The following SBK1 variants were observed in gnomAD, a reference collection of about 807,000 sequenced individuals.
SBK1 encodes SH3 domain binding kinase 1.
A neutral mutation model predicts 24.4 loss-of-function variants in SBK1; 11 were observed. The ratio of observed to expected loss-of-function variants is 0.45; its 90% CI spans 0.28 to 0.75. SBK1 has a LOEUF of 0.75. Among genes scored for constraint, SBK1 ranks in the 30% least tolerant of loss-of-function variants. SBK1 has a pLI of 0.12. For synonymous variants in SBK1, 308 were observed against 284.4 expected (o/e 1.08, Z -0.83); for missense variants, 467 against 620.5 (o/e 0.75, Z 2.63).
intron 1 of SBK1, among the ~76,000 whole-genome samples, chr16:28,267,097 C>T (rs939299471): frequency 1.3e-5 from 2 of 151,876 alleles, no homozygotes; most frequent in Non-Finnish European, 2.9e-5. Context: ...AGTAGAGACA[C>T]CGTTTCACCA....
In SBK1 at chr16:28,317,266, C is replaced by T. The variant is rs2044803982; in HGVS notation, c.-7-119C>T. The T allele has an allele frequency of 1.4e-6, 1 of 719,676 alleles. No homozygotes were observed. The allele number at this position is 719,676 out of a possible 1,614,324, so 44.6% of individuals were successfully genotyped here. A position where few individuals can be genotyped will look rare whatever the true frequency, so the allele number is the denominator to read the frequency against. ...ATGCTTGTCGCCCCCTTGTGGTTAT[C>T]TTGGGCCTGGCATCCGGGCCCATCC... On this transcript the variant is annotated intron_variant, in intron 1 of 3. Transcript: ENST00000341901. This position sits in a 1 kb window ranked among gnomAD's most constrained non-coding sequence, Gnocchi z 4.2.
intron 1 of SBK1, among the ~76,000 whole-genome samples, chr16:28,260,661 T>C (rs1361723535): frequency 6.6e-6 from 1 of 152,182 alleles, no homozygotes; most frequent in Admixed American, 6.5e-5. Flanking sequence ...GGATGTTCCC[T>C]GCTATGGTTG....
chr16:28,285,095 T>C (rs2044557069), intron 1 of SBK1: 1 of 152,244 alleles, frequency 6.6e-6, no homozygotes, highest in East Asian at 1.9e-4. Context: ...TACAGGTGTG[T>C]GCCACCACAT....
chr16:28,284,378 T>C (rs933850880), intron 1 of SBK1, among the ~76,000 whole-genome samples: 1 of 152,342 alleles, frequency 6.6e-6, no homozygotes, highest in African/African-American at 2.4e-5. Flanking sequence ...CCTGCCTCCT[T>C]CTGGGAAGTC....
intron 1 of SBK1, among the ~76,000 whole-genome samples, chr16:28,275,102 G>T (rs191048541): frequency 3.0e-4 from 45 of 152,322 alleles, no homozygotes; most frequent in African/African-American, 1.1e-3. Flanking sequence ...GAGGCAGGAG[G>T]ATCTCTAGAG....
chr16:28,280,145 A>G (rs1355517073), intron 1 of SBK1, among the ~76,000 whole-genome samples: 1,676 of 55,166 alleles, frequency 0.03, 60 homozygotes, highest in African/African-American at 0.072. Flanking sequence ...ATATATATAT[A>G]TATATGTGTG....
chr16:28,267,076 T>A (rs905731652), intron 1 of SBK1, among the ~76,000 whole-genome samples: 3 of 152,224 alleles, frequency 2.0e-5, no homozygotes, highest in Non-Finnish European at 4.4e-5. Flanking sequence ...CTGGCTATTT[T>A]TTTTATTTTT....
chr16:28,309,830 C>T (rs2044742074), intron 1 of SBK1, among the ~76,000 whole-genome samples: 2 of 152,198 alleles, frequency 1.3e-5, no homozygotes, highest in Admixed American at 6.5e-5. Context: ...CCATGTAGGT[C>T]TGTGTATACA....
Position 28,268,423 on chromosome 16 carries a change from G to GTT in SBK1, c.257+8934_257+8935dup, listed in dbSNP as rs561869982. On this transcript the variant is annotated intron_variant, in intron 1 of 3. Coordinates refer to the SBK1 transcript ENST00000671413. ...ACACCTGGCTAATTTTTAAAAATGG[G>GTT]TTTTTTTTTTTTTTGTAAAGATGGG... 8.8e-3 allele frequency among the ~76,000 whole-genome samples: 1,231 copies of GTT among 139,912 alleles called. 16 individuals carry two copies. Among genetic ancestry groups the GTT allele is most frequent in the African/African-American group, 0.03 (1,156 of 37,990 alleles). The allele number at this position is 139,912 out of a possible 152,430, so 91.8% of individuals were successfully genotyped here.
At chr16:28,301,793 C>T (rs2044681645) in intron 1 of SBK1, among the ~76,000 whole-genome samples, 1 of 152,222 alleles carries the variant, frequency 6.6e-6, no homozygotes, top group Admixed American at 6.5e-5. Flanking sequence ...ACTTTGTGCC[C>T]CATCCTGTTA....
intron 1 of SBK1, among the ~76,000 whole-genome samples, chr16:28,296,077 C>T (rs1006667861): frequency 6.0e-5 from 9 of 150,896 alleles, no homozygotes; most frequent in Non-Finnish European, 1.2e-4. Flanking sequence ...AGATGCCCAC[C>T]ACCACATCCA....
At chr16:28,306,242 A>G (rs994020661) in intron 1 of SBK1, among the ~76,000 whole-genome samples, 1 of 152,156 alleles carries the variant, frequency 6.6e-6, no homozygotes, top group African/African-American at 2.4e-5. Flanking sequence ...CGGCTTTTCC[A>G]TCATGGGGGA....
At chr16:28,262,861 G>T (rs1216062192) in intron 1 of SBK1, among the ~76,000 whole-genome samples, 1 of 152,064 alleles carries the variant, frequency 6.6e-6, no homozygotes, top group Non-Finnish European at 1.5e-5. Flanking sequence ...TTATATTCTG[G>T]GTGTGTGTGT....
intron 1 of SBK1, among the ~76,000 whole-genome samples, chr16:28,271,450 G>A (rs551388832): frequency 6.6e-6 from 1 of 152,188 alleles, no homozygotes; most frequent in African/African-American, 2.4e-5. Flanking sequence ...TCAGCTACTT[G>A]GGAGGCTGAG....
Position 28,320,509 on chromosome 16 carries a change from C to T in SBK1, c.863C>T (p.Ala288Val). The T allele has an allele frequency of 6.4e-7, 1 of 1,571,478 alleles. No homozygotes were observed. The highest frequency in any genetic ancestry group is 8.6e-7 in the Non-Finnish European group (1 of 1,164,900). ...PSQWRRFTEP[A>V]LRMFQRLLAL... ...CAGTGGCGCCGCTTCACCGAGCCCG[C>T]GCTGCGCATGTTCCAGCGCTTACTG... is the stretch of plus-strand genomic sequence containing the variant. Residue 288 changes from alanine to valine, a missense_variant, in exon 4 of 4, where the codon GCG becomes GTG. This residue lies in a region of SBK1 where 86 missense variants were observed against 121.7 expected (regional missense o/e 0.71). Transcript: ENST00000341901. This position sits in a 1 kb window ranked among gnomAD's most constrained non-coding sequence, Gnocchi z 8.5.
intron 1 of SBK1, among the ~76,000 whole-genome samples, chr16:28,264,746 A>G (rs1223833059): frequency 6.6e-6 from 1 of 152,138 alleles, no homozygotes; most frequent in Non-Finnish European, 1.5e-5. Context: ...GTTGCAAGCC[A>G]TGAGATCACA....
chr16:28,287,312 G>A (rs1348876203), intron 1 of SBK1, among the ~76,000 whole-genome samples: 1 of 137,800 alleles, frequency 7.3e-6, no homozygotes, highest in East Asian at 2.2e-4. Flanking sequence ...AGCTGGGCAT[G>A]GTGGCACGTG....
At chr16:28,276,024 G>T (rs1159618933) in intron 1 of SBK1, among the ~76,000 whole-genome samples, 10 of 152,216 alleles carry the variant, frequency 6.6e-5, no homozygotes, top group African/African-American at 2.4e-4. Flanking sequence ...CTCAGGGGAA[G>T]GGCCCTTCTG....
chr16:28,263,559 C>T (rs2044410232), intron 1 of SBK1, among the ~76,000 whole-genome samples: 1 of 152,120 alleles, frequency 6.6e-6, no homozygotes, highest in Non-Finnish European at 1.5e-5. Context: ...GGGACAGTGA[C>T]AAGAGGCAGG....
Sources: gnomAD v4.1 joint callset for allele counts (sites outside exome capture counted in the v4.1 genomes callset) on GRCh38, gnomAD v4.1.1 for gene constraint, gnomAD v4.1.1 regional missense constraint, Gnocchi (gnomAD v3.1) non-coding constraint, MANE v1.5 for transcripts, NCBI Gene and HGNC (gene_info 2026-07-23, HGNC 2026-07-21) for gene names.